Variants in IFT81 observed in about 807,000 individuals in gnomAD.
IFT81 encodes the protein intraflagellar transport protein 81 homolog.
A neutral mutation model predicts 102.6 loss-of-function variants in IFT81; 72 were observed. That is an observed-to-expected ratio of 0.70 (90% CI 0.58 to 0.85). The LOEUF is 0.85. IFT81 is among the 40% of genes least tolerant of loss of function. IFT81 has a pLI of 0.00. For synonymous variants in IFT81, 237 were observed against 242.7 expected (o/e 0.98, Z 0.22); for missense variants, 723 against 787.3 (o/e 0.92, Z 0.98).
At chr12:110,146,869 A>G in intron 9 of IFT81, 84 bp from the exon 10 acceptor site, 1 of 1,391,234 alleles carries the variant, frequency 7.2e-7, no homozygotes, top group East Asian at 2.6e-5. Context: ...CATAAATTCA[A>G]AGCTGGTTTG....
intron 10 of IFT81, among the ~76,000 whole-genome samples, chr12:110,158,916 G>T (rs1174979502): frequency 1.3e-5 from 2 of 151,012 alleles, no homozygotes; most frequent in African/African-American, 2.4e-5. Flanking sequence ...TAGAGATGGG[G>T]TTTCACCATG....
chr12:110,192,910 C>A (rs1254239166), intron 14 of IFT81, among the ~76,000 whole-genome samples: 2 of 152,050 alleles, frequency 1.3e-5, no homozygotes, highest in Admixed American at 1.3e-4. Flanking sequence ...GCCTGTAATC[C>A]CAGCACTTTG....
At chr12:110,149,882 G>T (rs1476441844) in intron 10 of IFT81, among the ~76,000 whole-genome samples, 1 of 152,124 alleles carries the variant, frequency 6.6e-6, no homozygotes, top group Non-Finnish European at 1.5e-5. Context: ...TATAGGCACA[G>T]GATGGGGGCA....
chr12:110,148,855 C>T (rs1294126778), intron 10 of IFT81, among the ~76,000 whole-genome samples: 1 of 152,132 alleles, frequency 6.6e-6, no homozygotes, highest in Non-Finnish European at 1.5e-5. Context: ...AGGCAGGGTA[C>T]ATGCTTTGTT....
chr12:110,191,373 G>A (rs909555330), intron 13 of IFT81, among the ~76,000 whole-genome samples: 2 of 151,812 alleles, frequency 1.3e-5, no homozygotes, highest in African/African-American at 4.8e-5. Context: ...GTTTCACCAT[G>A]TTGGGCAGGC....
chr12:110,141,351 A>G (rs1245377121), intron 8 of IFT81, among the ~76,000 whole-genome samples: 1 of 152,122 alleles, frequency 6.6e-6, no homozygotes, highest in Non-Finnish European at 1.5e-5. Flanking sequence ...AGTGTGATTT[A>G]TTAAACACTT....
At chr12:110,169,076 CCTTCCTCT>C (rs1461908588) in intron 11 of IFT81, 1 of 126,964 alleles carries the variant, frequency 7.9e-6, no homozygotes, top group East Asian at 2.5e-4. Flanking sequence ...TTCCTTCCTT[CCTTCCTCT>C]CTCTCTCTCT....
chr12:110,140,055 G>C (rs888269271), intron 8 of IFT81, among the ~76,000 whole-genome samples: 1 of 151,736 alleles, frequency 6.6e-6, no homozygotes, highest in African/African-American at 2.4e-5. Flanking sequence ...GACAGAGTAA[G>C]ACTTTGTCTC....
At position 110,172,858 on chromosome 12, in the gene IFT81, A is replaced by G. The variant is rs559739546; in HGVS notation, c.1189-7564A>G. 7.9e-3 allele frequency among the ~76,000 whole-genome samples: 1,201 copies of G among 152,170 alleles called. 6 individuals are homozygous for G. The highest frequency in any genetic ancestry group is 0.028 in the African/African-American group (1,155 of 41,500). On this transcript the variant is annotated intron_variant, in intron 11 of 18. Transcript: ENST00000242591. ...TCTGCCTGGCCGCCCATCGTCTGGGATGTGAGGAGCCCCTCTGCCTGGCTG... is the reference window on the plus strand; with the variant it reads ...TCTGCCTGGCCGCCCATCGTCTGGGGTGTGAGGAGCCCCTCTGCCTGGCTG...
intron 12 of IFT81, among the ~76,000 whole-genome samples, chr12:110,188,880 G>C (rs930696386): frequency 2.6e-5 from 4 of 151,106 alleles, no homozygotes; most frequent in African/African-American, 9.7e-5. Context: ...AGTGAGCCAA[G>C]ATCGCACCAC....
rs578114321 is a variant in IFT81 at position 110,147,043 on chromosome 12, C to A, written c.1036C>A (p.Gln346Lys). ...TGAAGGCAAACTCTCACTGTATAGGCAACAGGTAAGAACATTCTTTTGGCT... is the reference window on the plus strand; with the variant it reads ...TGAAGGCAAACTCTCACTGTATAGGAAACAGGTAAGAACATTCTTTTGGCT... ...PIEGKLSLYR[Q>K]QASIISRKKE... Residue 346 changes from glutamine (Q) to lysine (K), a missense_variant, in exon 10 of 19, where the codon CAA becomes AAA. By Grantham distance (53) the Gln-to-Lys change is moderately conservative (BLOSUM62 1). Transcript: ENST00000242591. 1 of 1,602,494 alleles carries A rather than the reference C, an allele frequency of 6.2e-7. No homozygotes were observed. Among genetic ancestry groups the A allele is most frequent in the Admixed American group, 1.7e-5 (1 of 57,282 alleles).
chr12:110,143,356 A>C, intron 8 of IFT81, 26 bp from the exon 9 acceptor site: 1 of 1,217,208 alleles, frequency 8.2e-7, no homozygotes, highest in Non-Finnish European at 1.1e-6. Context: ...TTTTGGGCTG[A>C]ATATTTATTT....
At chr12:110,129,327 A>G (rs939078185) in intron 4 of IFT81, among the ~76,000 whole-genome samples, 197 bp downstream of exon 4, 1 of 151,984 alleles carries the variant, frequency 6.6e-6, no homozygotes, top group Admixed American at 6.6e-5. Flanking sequence ...TTTTAGTGAT[A>G]GGAGTATGTG....
At chr12:110,179,662 A>C (rs1897204011) in intron 11 of IFT81, among the ~76,000 whole-genome samples, 4 of 145,810 alleles carry the variant, frequency 2.7e-5, no homozygotes, top group African/African-American at 9.9e-5. Context: ...TTAAGGCTGC[A>C]ATGAACTGTT....
At chr12:110,162,857 C>A in intron 10 of IFT81, 62 bp from the exon 11 acceptor site, 1 of 1,384,476 alleles carries the variant, frequency 7.2e-7, no homozygotes, top group Non-Finnish European at 9.9e-7. Flanking sequence ...TAGATAATTT[C>A]ACAAGATAAT....
chr12:110,166,710 C>G (rs1209279571), intron 11 of IFT81, among the ~76,000 whole-genome samples: 1 of 150,462 alleles, frequency 6.6e-6, no homozygotes, highest in East Asian at 2.0e-4. Context: ...AAATATGATT[C>G]CTAAAATTTA....
At chr12:110,214,322 A>G (rs1265587018) in intron 18 of IFT81, among the ~76,000 whole-genome samples, 2 of 152,114 alleles carry the variant, frequency 1.3e-5, no homozygotes, top group Non-Finnish European at 1.5e-5. Flanking sequence ...TATTTAAGCA[A>G]GTGAACCAAT....
intron 8 of IFT81, among the ~76,000 whole-genome samples, chr12:110,139,420 A>G (rs1894717192): frequency 6.6e-6 from 1 of 151,678 alleles, no homozygotes; most frequent in African/African-American, 2.4e-5. Context: ...CACACCTATA[A>G]TCATACTCCT....
intron 11 of IFT81, chr12:110,171,774 T>C (rs960827295): frequency 7.2e-5 from 11 of 152,336 alleles, no homozygotes; most frequent in Non-Finnish European, 1.0e-4. Context: ...TATTGGAGCG[T>C]GACATGATGG....
Sources: gnomAD v4.1 joint callset for allele counts (sites outside exome capture counted in the v4.1 genomes callset) on GRCh38, gnomAD v4.1.1 for gene constraint, MANE v1.5 for transcripts, NCBI Gene and HGNC (gene_info 2026-07-23, HGNC 2026-07-21) for gene names.